The following GLB1L2 variants were observed in gnomAD, a reference collection of about 807,000 sequenced individuals.
The protein encoded by GLB1L2 is galactosidase beta 1 like 2.
Under a neutral mutation model 84.1 loss-of-function variants are expected in GLB1L2, and 68 were observed. That is an observed-to-expected ratio of 0.81 (90% confidence interval 0.67 to 0.99). GLB1L2 has a LOEUF of 0.99. Among genes scored for constraint, GLB1L2 ranks in the 50% least tolerant of loss-of-function variants. GLB1L2 has a pLI of 0.00. For missense variants in GLB1L2, 762 were observed against 805.6 expected, an observed-to-expected ratio of 0.95 and a Z score of 0.66; for synonymous variants, 290 against 318.0, an observed-to-expected ratio of 0.91 and a Z score of 0.94.
chr11:134,347,765 T>A (rs545266194), intron 5 of GLB1L2, among the ~76,000 whole-genome samples: 1 of 152,016 alleles, frequency 6.6e-6, no homozygotes, highest in South Asian at 2.1e-4. Context: ...GAGACAGGGA[T>A]GAGGTGATAG....
chr11:134,347,482 TC>T (rs747911698), intron 5 of GLB1L2, 49 bp downstream of exon 5: 1 of 1,299,924 alleles, frequency 7.7e-7, no homozygotes. Flanking sequence ...TTCCTCTAGG[TC>T]GTGGATCATC....
chr11:134,370,928 T>C lies in GLB1L2; in HGVS notation c.1216-80T>C. The C allele has an allele frequency of 2.0e-6, 3 of 1,529,936 alleles. No individual in the cohort carries two copies. The highest frequency in any genetic ancestry group is 1.8e-5 in the Admixed American group (1 of 54,920). The allele number at this position is 1,529,936 out of a possible 1,614,324, so 94.8% of individuals were successfully genotyped here. A position where few individuals can be genotyped will look rare whatever the true frequency, so the allele number is the denominator to read the frequency against. ...CCACCAAACCTCCGCTTCCACCCCATGTGCCAGCCCCCAGGCAGAGTCTGT... is the reference window on the plus strand; with the variant it reads ...CCACCAAACCTCCGCTTCCACCCCACGTGCCAGCCCCCAGGCAGAGTCTGT... On this transcript the variant is annotated intron_variant, in intron 12 of 18. Coordinates refer to ENST00000535456, the MANE Select transcript of GLB1L2 (RefSeq NM_001370461.1). This position sits in a 1 kb window ranked among gnomAD's most constrained non-coding sequence, Gnocchi z 4.7.
At chr11:134,352,951 A>G (rs1213137684) in intron 5 of GLB1L2, among the ~76,000 whole-genome samples, 4 of 152,046 alleles carry the variant, frequency 2.6e-5, no homozygotes, top group African/African-American at 4.8e-5. Flanking sequence ...CCTGGCCTCA[A>G]TATATTTTCT....
chr11:134,337,472 A>C (rs1231304385), intron 1 of GLB1L2, among the ~76,000 whole-genome samples: 1 of 152,226 alleles, frequency 6.6e-6, no homozygotes, highest in East Asian at 1.9e-4. Context: ...ATTTTGGAGT[A>C]GAGGCATTAA....
Position 134,371,003 on chromosome 11 carries a change from C to A in GLB1L2, c.1216-5C>A, listed in dbSNP as rs369199287. ...TGCCCACCCCTCCATCTCTTCTGTA[C>A]GCAGCCAATCAAGTCTGAAAAGCCC... On this transcript the variant is annotated splice_polypyrimidine_tract_variant and splice_region_variant and intron_variant, in intron 12 of 18. Coordinates refer to ENST00000535456, the MANE Select transcript of GLB1L2 (RefSeq NM_001370461.1). 2 of 1,613,756 alleles carry A rather than the reference C, an allele frequency of 1.2e-6. No homozygotes were observed. Among genetic ancestry groups the A allele is most frequent in the Non-Finnish European group, 1.7e-6 (2 of 1,179,792 alleles).
At chr11:134,353,159 A>T (rs1310407185) in intron 5 of GLB1L2, among the ~76,000 whole-genome samples, 1 of 152,118 alleles carries the variant, frequency 6.6e-6, no homozygotes, top group African/African-American at 2.4e-5. Flanking sequence ...CTGTAATCCT[A>T]GCACTTTGGG....
chr11:134,362,063 C>T (rs1210873758), intron 7 of GLB1L2, among the ~76,000 whole-genome samples: 1 of 152,182 alleles, frequency 6.6e-6, no homozygotes, highest in Non-Finnish European at 1.5e-5. Flanking sequence ...TCGGGTCTTT[C>T]GGTCATCCTT....
chr11:134,353,978 A>G (rs972619907), intron 5 of GLB1L2, among the ~76,000 whole-genome samples: 2 of 152,228 alleles, frequency 1.3e-5, no homozygotes, highest in African/African-American at 4.8e-5. Context: ...TCGGTTTGTT[A>G]AAAATCCATT....
At chr11:134,356,159 C>A (rs76255106) in intron 5 of GLB1L2, 142 bp from the exon 6 acceptor site, 35,492 of 747,500 alleles carry the variant, frequency 0.047, 3,713 homozygotes, top group East Asian at 0.35. Flanking sequence ...AGTGCTTCTT[C>A]CACTGTCTTA....
intron 4 of GLB1L2, among the ~76,000 whole-genome samples, chr11:134,346,106 C>G (rs1052099201): frequency 2.0e-5 from 3 of 152,162 alleles, no homozygotes; most frequent in African/African-American, 7.2e-5. Flanking sequence ...GTCCCCAAGC[C>G]GTCTCCCCTC....
chr11:134,351,486 C>T (rs1288340120), intron 5 of GLB1L2, among the ~76,000 whole-genome samples: 1 of 151,866 alleles, frequency 6.6e-6, no homozygotes, highest in African/African-American at 2.4e-5. Context: ...GCTGGGGTTA[C>T]AAGCACCTGC....
chr11:134,369,841 C>T lies in GLB1L2; in HGVS notation c.1064C>T (p.Thr355Met), dbSNP rs773090231. The change falls in exon 11 of 19, where the codon ACG becomes ATG. Residue 355 changes from threonine to methionine, a missense_variant. By Grantham distance (81) the Thr-to-Met change is moderately conservative. Coordinates refer to ENST00000535456, the MANE Select transcript of GLB1L2 (RefSeq NM_001370461.1). ...GTGCTGACAGAAGCCGGCGATTACA[C>T]GGCCAAGTACATGAAGCTTCGAGAC... Reference protein sequence around the residue: ...DAVLTEAGDYTAKYMKLRDFF... With the variant: ...DAVLTEAGDYMAKYMKLRDFF... 12 of 1,613,464 alleles carry T rather than the reference C, an allele frequency of 7.4e-6. No individual in the cohort carries two copies. The East Asian group carries it at 8.9e-5, about 12-fold the overall frequency.
intron 5 of GLB1L2, among the ~76,000 whole-genome samples, chr11:134,354,808 G>A (rs547324513): frequency 6.6e-6 from 1 of 152,206 alleles, no homozygotes; most frequent in African/African-American, 2.4e-5. Flanking sequence ...GTCTTCAATG[G>A]TTTGATTATA....
rs545863526 is a variant in GLB1L2, at chr11:134,363,500, G to A, written c.734-828G>A. Among the ~76,000 whole-genome samples the A allele has an allele frequency of 2.6e-5, 4 of 152,216 alleles. No individual in the cohort carries two copies. In the South Asian group the frequency reaches 6.2e-4, roughly 24 times the overall value. On this transcript the variant is annotated intron_variant, in intron 7 of 18. Transcript: ENST00000535456. Reference sequence around the variant, plus strand: ...ATAAGGCTGTGCCACTGGGGTGGGCGTGGGCATGCCCGGGTGTCAGCCAAA... The same window carrying A: ...ATAAGGCTGTGCCACTGGGGTGGGCATGGGCATGCCCGGGTGTCAGCCAAA...
In GLB1L2 at chr11:134,333,232, G is replaced by A. The variant is rs563879319; in HGVS notation, c.86+1085G>A. On this transcript the variant is annotated intron_variant, in intron 1 of 18. Transcript: ENST00000535456. ...TCATGATATTGTTTGGGAGAAGGAC[G>A]GATTTTCTTCTCATTCTGGGGCCCA... Among the ~76,000 whole-genome samples the A allele has an allele frequency of 1.8e-4, 27 of 152,242 alleles. 1 individual carries two copies. In the South Asian group the frequency reaches 3.7e-3, roughly 21 times the overall value.
In GLB1L2 at chr11:134,368,635, C is replaced by T. The variant is rs1369435539; in HGVS notation, c.890-9C>T. The T allele has an allele frequency of 3.1e-6, 5 of 1,613,360 alleles. No individual in the cohort carries two copies. Among genetic ancestry groups the T allele is most frequent in the Non-Finnish European group, 4.2e-6 (5 of 1,179,916 alleles). On this transcript the variant is annotated splice_polypyrimidine_tract_variant and intron_variant, in intron 9 of 18. Transcript: ENST00000535456. ...ACTCTGCACATCCCCTTTCTCCCTC[C>T]TCCGGCAGAGGTTTTGAAAACCGTG... is the stretch of plus-strand genomic sequence containing the variant.
rs752627776 is a variant in GLB1L2 at position 134,367,239 on chromosome 11, T to C, written c.805-18T>C. On this transcript the variant is annotated intron_variant, in intron 8 of 18. Coordinates refer to ENST00000535456, the MANE Select transcript of GLB1L2 (RefSeq NM_001370461.1). ...TCTGGCCAGCCTGCTTGTCTAACTC[T>C]CATTTTGTGGTGTCCAGGGGACTCA... 1 of 1,610,604 alleles carries C rather than the reference T, an allele frequency of 6.2e-7. No homozygotes were observed. Among genetic ancestry groups the C allele is most frequent in the Admixed American group, 1.7e-5 (1 of 59,990 alleles).
At position 134,342,776 on chromosome 11, in the gene GLB1L2, C is replaced by T; in HGVS notation, c.109C>T (p.Pro37Ser). The change falls in exon 2 of 19, where the codon CCT (proline) becomes TCT (serine). Residue 37 changes from proline (P) to serine (S), a missense_variant. Physicochemically the swap from Pro to Ser is moderately conservative, Grantham distance 74 (BLOSUM62 -1). Coordinates refer to ENST00000535456, the MANE Select transcript of GLB1L2 (RefSeq NM_001370461.1). ...LRRLDWSTLV[P>S]LRLRHRQLGL... ...CAGGCTGGACTGGAGCACCCTGGTC[C>T]CTCTGCGGCTCCGCCATCGACAGCT... is the stretch of plus-strand genomic sequence containing the variant. 1.2e-6 allele frequency: 2 copies of T among 1,613,944 alleles called. No individual in the cohort carries two copies. The highest frequency in any genetic ancestry group is 1.7e-6 in the Non-Finnish European group (2 of 1,179,986).
At chr11:134,353,257 A>G (rs1943657002) in intron 5 of GLB1L2, among the ~76,000 whole-genome samples, 1 of 152,012 alleles carries the variant, frequency 6.6e-6, no homozygotes, top group Non-Finnish European at 1.5e-5. Flanking sequence ...AAAAAATACA[A>G]AAATTAGCCA....
Sources: allele counts gnomAD v4.1 joint callset (sites outside exome capture counted in the v4.1 genomes callset), GRCh38; gene constraint gnomAD v4.1.1; non-coding constraint Gnocchi (gnomAD v3.1); transcripts MANE v1.5; gene names NCBI Gene and HGNC (gene_info 2026-07-23, HGNC 2026-07-21).